The following PHF8 variants were observed in gnomAD, a reference collection of about 807,000 sequenced individuals.
PHF8 encodes histone lysine demethylase PHF8.
Under a neutral mutation model 74.4 loss-of-function variants are expected in PHF8, and 9 were observed. The observed-to-expected ratio is 0.12, with a 90% CI of 0.07 to 0.21. The LOEUF is 0.21. Among genes scored for constraint, PHF8 ranks in the 10% least tolerant of loss-of-function variants. PHF8 has a pLI of 1.00. For missense variants in PHF8, 478 were observed against 816.6 expected (o/e 0.59, Z 5.05); for synonymous variants, 311 against 316.6 (o/e 0.98, Z 0.19).
Position 53,962,223 on chromosome X carries a change from C to CA in PHF8, c.2539+620dup, listed in dbSNP as rs1414012658. ...GCCTAGACTAGAAGAACAGCTCAGC[C>CA]AACCTACAGAATTATGAAAAATTAT... On this transcript the variant is annotated intron_variant, in intron 19 of 21. Coordinates refer to ENST00000338154, the MANE Select transcript of PHF8 (RefSeq NM_015107.3). 5.4e-5 allele frequency among the ~76,000 whole-genome samples: 6 copies of CA among 111,978 alleles called. 1 individual carries two copies. The highest frequency in any genetic ancestry group is 1.9e-4 in the African/African-American group (6 of 30,849).
At chrX:54,030,116 C>G (rs1221531632) in intron 2 of PHF8, among the ~76,000 whole-genome samples, 3 of 111,298 alleles carry the variant, frequency 2.7e-5, no homozygotes, top group African/African-American at 6.5e-5. Context: ...GCCTTCACCA[C>G]GAGGCCTTGG....
chrX:53,967,251 C>A (rs1557093128), intron 18 of PHF8, among the ~76,000 whole-genome samples: 6 of 103,172 alleles, frequency 5.8e-5, no homozygotes, highest in African/African-American at 1.4e-4. Context: ...CCAGCCGCCC[C>A]GTCCGGGAGG....
chrX:54,011,168 G>A lies in PHF8; in HGVS notation c.900C>T (p.Cys300=), dbSNP rs1557106662. ...EMFFGDQVDK[C]YKCSVKQGQT... ...GTCCTTGCTTCACGGAACACTTGTA[G>A]CACTTGTCCACCTGGTCCCCAAAGA... is the stretch of plus-strand genomic sequence containing the variant. Residue 300 remains cysteine, a synonymous_variant, in exon 8 of 22, where the codon TGC becomes TGT. Transcript: ENST00000338154. 8.3e-7 allele frequency: 1 copy of A among 1,209,404 alleles called. No homozygotes were observed. Among genetic ancestry groups the A allele is most frequent in the Non-Finnish European group, 1.1e-6 (1 of 893,258 alleles).
chrX:53,987,052 A>G (rs987147807), intron 16 of PHF8, 26 bp downstream of exon 16: 1 of 969,586 alleles, frequency 1.0e-6, no homozygotes, highest in Non-Finnish European at 1.5e-6. Flanking sequence ...AATGAGCAGA[A>G]GACTAGATCC....
upstream of PHF8, among the ~76,000 whole-genome samples, chrX:54,047,030 G>A (rs782159303): frequency 9.0e-6 from 1 of 111,658 alleles, no homozygotes; most frequent in South Asian, 3.7e-4. Flanking sequence ...TTGTTTAAAT[G>A]TATTTTGTGA....
rs145470463 is a variant in PHF8, at chrX:53,950,341, A to G, written c.2540-6098T>C. On this transcript the variant is annotated intron_variant, in intron 19 of 21. Coordinates refer to ENST00000338154, the MANE Select transcript of PHF8 (RefSeq NM_015107.3). ...ATGTCATAGCTGTTTAAGGTGATGG[A>G]TAACAGTTGTGACAAACAATAGATT... Among the ~76,000 whole-genome samples the G allele has an allele frequency of 5.0e-3, 567 of 112,380 alleles. 2 individuals carry two copies. The highest frequency in any genetic ancestry group is 0.017 in the African/African-American group (534 of 30,961).
At chrX:53,979,990 A>G (rs1330668607) in intron 18 of PHF8, among the ~76,000 whole-genome samples, 1 of 111,457 alleles carries the variant, frequency 9.0e-6, no homozygotes, top group African/African-American at 3.3e-5. Flanking sequence ...CTGTGTCTAA[A>G]TAAGTAAATA....
chrX:54,007,498 A>G (rs1350995598), intron 8 of PHF8, among the ~76,000 whole-genome samples: 2 of 112,401 alleles, frequency 1.8e-5, no homozygotes, highest in South Asian at 3.6e-4. Flanking sequence ...ATATTTGCAA[A>G]TCACATATCT....
upstream of PHF8, chrX:54,045,010 A>G: frequency 1.2e-5 from 8 of 647,397 alleles, no homozygotes; most frequent in South Asian, 2.1e-4. Context: ...AAGCCAAGTG[A>G]CTTGAGTCCC....
At chrX:53,952,263 G>A (rs1327040741) in intron 19 of PHF8, among the ~76,000 whole-genome samples, 2 of 101,993 alleles carry the variant, frequency 2.0e-5, no homozygotes, top group African/African-American at 7.5e-5. Flanking sequence ...CAGCCCAGGC[G>A]ACAGTGCGAG....
chrX:53,943,419 A>G (rs1557084140), intron 20 of PHF8: 3 of 1,059,814 alleles, frequency 2.8e-6, no homozygotes, highest in Non-Finnish European at 3.8e-6. Context: ...AATGATGAAA[A>G]TATCACCTGT....
chrX:53,997,926 A>C (rs2065772592), intron 11 of PHF8, among the ~76,000 whole-genome samples: 1 of 111,810 alleles, frequency 8.9e-6, no homozygotes, highest in Non-Finnish European at 1.9e-5. Context: ...GAAGGTTGGC[A>C]ACAGGAACTA....
chrX:53,983,138 G>A (rs1557098523), intron 18 of PHF8, among the ~76,000 whole-genome samples: 1 of 103,203 alleles, frequency 9.7e-6, no homozygotes, highest in Non-Finnish European at 2.0e-5. Flanking sequence ...TTGCGCCACT[G>A]CACTCCAGCC....
At chrX:53,940,871 T>C (rs1013544394) in intron 20 of PHF8, among the ~76,000 whole-genome samples, 1 of 112,441 alleles carries the variant, frequency 8.9e-6, no homozygotes, top group Non-Finnish European at 1.9e-5. Context: ...TGAGACACTT[T>C]ATATACTTTA....
At chrX:54,001,515 A>C (rs2065827695) in intron 10 of PHF8, among the ~76,000 whole-genome samples, 1 of 109,889 alleles carries the variant, frequency 9.1e-6, no homozygotes, top group African/African-American at 3.3e-5. Context: ...CTCGGAAAAA[A>C]AGAAAAAAGA....
intron 12 of PHF8, among the ~76,000 whole-genome samples, chrX:53,994,765 T>C (rs1462475311): frequency 8.9e-6 from 1 of 112,233 alleles, no homozygotes; most frequent in Non-Finnish European, 1.9e-5. Context: ...GCATTGAGGC[T>C]AGAAGCACAA....
intron 12 of PHF8, 115 bp downstream of exon 12, chrX:53,995,578 T>G (rs1041894422): frequency 2.1e-5 from 11 of 517,118 alleles, no homozygotes; most frequent in Middle Eastern, 5.0e-4. Flanking sequence ...GGGTCTTTGG[T>G]AGGGTCTTCC....
chrX:53,952,847 C>T (rs1471718364), intron 19 of PHF8, among the ~76,000 whole-genome samples: 1 of 98,021 alleles, frequency 1.0e-5, no homozygotes, highest in Non-Finnish European at 2.0e-5. Context: ...GAGATGGTGC[C>T]ACTGCACTCC....
Position 54,017,645 on chromosome X carries a change from G to T in PHF8, c.454+16C>A, listed in dbSNP as rs1557108590. ...AATGAACAATGTTACAGTTAAAAGG[G>T]TCTGTAGTGTCTTACCAACATAGTG... is the stretch of plus-strand genomic sequence containing the variant. On this transcript the variant is annotated intron_variant, in intron 5 of 21. Coordinates refer to ENST00000338154, the MANE Select transcript of PHF8 (RefSeq NM_015107.3). 1 of 1,174,305 alleles carries T rather than the reference G, an allele frequency of 8.5e-7. No homozygotes were observed. The highest frequency in any genetic ancestry group is 3.0e-5 in the East Asian group (1 of 33,737).
Sources: allele counts gnomAD v4.1 joint callset (sites outside exome capture counted in the v4.1 genomes callset), GRCh38; gene constraint gnomAD v4.1.1; transcripts MANE v1.5; gene names NCBI Gene and HGNC (gene_info 2026-07-23, HGNC 2026-07-21).